Variants in SMG1 observed in about 807,000 individuals in gnomAD.
SMG1 encodes serine/threonine-protein kinase SMG1.
In SMG1, 22 loss-of-function variants were observed where a neutral mutation model predicts 419.9. That is an observed-to-expected ratio of 0.05 (90% CI 0.04 to 0.07). The LOEUF (loss-of-function observed/expected upper bound fraction) is 0.07, where lower values mean the gene tolerates loss of function less well. Among genes scored for constraint, SMG1 ranks in the 10% least tolerant of loss-of-function variants. The pLI is 1.00. For missense variants in SMG1, 3,185 were observed against 4,342.0 expected (o/e 0.73, Z 7.49); for synonymous variants, 1,538 against 1,553.5 (o/e 0.99, Z 0.23).
In SMG1 at chr16:18,842,192, A is replaced by G. The variant is rs575985512; in HGVS notation, c.6466+16T>C. ...CTAATACTCTTCTGAAAAATGGAGG[A>G]AGTCTTAAATCCTACCTTTGAAAAG... is the stretch of plus-strand genomic sequence containing the variant. On this transcript the variant is annotated intron_variant, in intron 40 of 62. Coordinates refer to ENST00000446231, the MANE Select transcript of SMG1 (RefSeq NM_015092.5). 3.1e-6 allele frequency: 5 copies of G among 1,603,308 alleles called. No individual in the cohort carries two copies. The highest frequency in any genetic ancestry group is 2.2e-5 in the East Asian group (1 of 44,676).
At chr16:18,908,276 G>A (rs1016489379) in intron 1 of SMG1, among the ~76,000 whole-genome samples, 2 of 151,352 alleles carry the variant, frequency 1.3e-5, no homozygotes, top group African/African-American at 4.8e-5. Context: ...GCTGAGGCAG[G>A]AGAATCGCTT....
At chr16:18,852,011 C>T in intron 33 of SMG1, 56 bp downstream of exon 33, 1 of 1,527,518 alleles carries the variant, frequency 6.5e-7, no homozygotes, top group Non-Finnish European at 8.8e-7. Context: ...GATCAATTTT[C>T]TCAAAATCAA....
Position 18,889,724 on chromosome 16 carries a change from T to G in SMG1, c.609-139A>C, listed in dbSNP as rs548184721. The G allele has an allele frequency of 1.1e-5, 7 of 642,368 alleles. 2 individuals are homozygous for G. In the South Asian group the frequency reaches 1.2e-4, roughly 11 times the overall value. 39.8% of individuals were successfully genotyped at this position (642,368 alleles called of 1,614,324 possible). ...TTCAAACTACATAAAAGGTTGAAATTTTCTCCACTCTAAATACTACAGTCT... is the reference window on the plus strand; with the variant it reads ...TTCAAACTACATAAAAGGTTGAAATGTTCTCCACTCTAAATACTACAGTCT... On this transcript the variant is annotated intron_variant, in intron 5 of 62. Transcript: ENST00000446231.
chr16:18,904,250 C>T (rs919460178), intron 1 of SMG1, among the ~76,000 whole-genome samples: 25 of 149,810 alleles, frequency 1.7e-4, no homozygotes, highest in African/African-American at 4.9e-4. Flanking sequence ...TTCTTTTGTA[C>T]GTTGCAAAAT....
intron 62 of SMG1, among the ~76,000 whole-genome samples, chr16:18,809,906 G>T (rs2031213714): frequency 1.3e-5 from 2 of 151,660 alleles, no homozygotes; most frequent in Admixed American, 6.6e-5. Context: ...CTACCAGAAC[G>T]TTTCTTAAGT....
chr16:18,861,082 C>A (rs143278090), intron 25 of SMG1: 2,717 of 270,054 alleles, frequency 0.01, 13 homozygotes, highest in Non-Finnish European at 0.014. Context: ...CAGATCCTAA[C>A]ACACTGACAG....
At chr16:18,923,366 T>G (rs1013510727) in intron 1 of SMG1, among the ~76,000 whole-genome samples, 2 of 152,134 alleles carry the variant, frequency 1.3e-5, no homozygotes, top group African/African-American at 4.8e-5. Flanking sequence ...CTAAATCGGC[T>G]GAGTGCGGTG....
At chr16:18,899,727 T>C (rs1338183709) in intron 1 of SMG1, among the ~76,000 whole-genome samples, 2 of 152,072 alleles carry the variant, frequency 1.3e-5, no homozygotes, top group African/African-American at 2.4e-5. Context: ...CAGGCATGAA[T>C]GTTAGGCTAG....
At chr16:18,871,614 A>T in intron 15 of SMG1, 132 bp from the exon 16 acceptor site, 1 of 460,726 alleles carries the variant, frequency 2.2e-6, no homozygotes, top group South Asian at 5.6e-5. Flanking sequence ...ATAAAAATAA[A>T]AAAATGAAAC....
At chr16:18,861,015 G>A (rs866059551) in intron 25 of SMG1, 269 of 396,114 alleles carry the variant, frequency 6.8e-4, no homozygotes, top group Middle Eastern at 3.1e-3. Flanking sequence ...ACTTTCAGTG[G>A]AGCTGACTCG....
Position 18,829,185 on chromosome 16 carries a change from G to C in SMG1, c.9603+101C>G, listed in dbSNP as rs1418505123. 7 of 1,009,086 alleles carry C rather than the reference G, an allele frequency of 6.9e-6. No homozygotes were observed. In the East Asian group the frequency reaches 1.3e-4, roughly 19 times the overall value. The allele number at this position is 1,009,086 out of a possible 1,614,324, so 62.5% of individuals were successfully genotyped here. A position where few individuals can be genotyped will look rare whatever the true frequency, so the allele number is the denominator to read the frequency against. The stretch of plus-strand genomic sequence containing the variant: ...TTGCATTGGGTTGCTGTGAGTTCAG[G>C]AAGTTTTAAAAAAATTTCTGTGTAT... On this transcript the variant is annotated intron_variant, in intron 54 of 62. Coordinates refer to ENST00000446231, the MANE Select transcript of SMG1 (RefSeq NM_015092.5).
intron 31 of SMG1, among the ~76,000 whole-genome samples, 173 bp from the exon 32 acceptor site, chr16:18,852,635 AAAAGG>A (rs1364787910): frequency 6.6e-6 from 1 of 152,232 alleles, no homozygotes; most frequent in African/African-American, 2.4e-5. Context: ...TATGTTCTCT[AAAAGG>A]TTGGTATGTT....
intron 1 of SMG1, among the ~76,000 whole-genome samples, chr16:18,908,850 A>C (rs1179790173): frequency 6.6e-6 from 1 of 151,876 alleles, no homozygotes; most frequent in Non-Finnish European, 1.5e-5. Context: ...GCTGCACTCC[A>C]ACCTGGGTGA....
chr16:18,827,373 G>T (rs2032764522), intron 55 of SMG1, among the ~76,000 whole-genome samples: 1 of 150,632 alleles, frequency 6.6e-6, no homozygotes, highest in African/African-American at 2.4e-5. Flanking sequence ...TTGCAGTGAG[G>T]TGAGATAGTG....
At chr16:18,819,219 C>T (rs770470152) in intron 56 of SMG1, among the ~76,000 whole-genome samples, 1 of 152,192 alleles carries the variant, frequency 6.6e-6, no homozygotes, top group Non-Finnish European at 1.5e-5. Context: ...TAAAAGAGAC[C>T]CAGAGAACCT....
In SMG1 at chr16:18,847,510, C is replaced by T; in HGVS notation, c.5939G>A (p.Arg1980Gln). 6.2e-7 allele frequency: 1 copy of T among 1,614,044 alleles called. No individual in the cohort carries two copies. Among genetic ancestry groups the T allele is most frequent in the South Asian group, 1.1e-5 (1 of 91,086 alleles). ...LLQQHMYVLRRIQQLEDEVKR... is the reference protein window; with the variant it reads ...LLQQHMYVLRQIQQLEDEVKR... ...CACCTCATCTTCAAGCTGCTGAATT[C>T]GTCTCAGGACATACATGTGTTGTTG... Residue 1980 changes from arginine (R) to glutamine (Q), a missense_variant, in exon 38 of 63, where the codon CGA becomes CAA. By Grantham distance (43) the Arg-to-Gln change is conservative (BLOSUM62 1). Transcript: ENST00000446231.
chr16:18,839,805 T>C lies in SMG1; in HGVS notation c.6838A>G (p.Met2280Val), dbSNP rs780909614. Residue 2280 changes from methionine to valine, a missense_variant, in exon 42 of 63, where the codon ATG (methionine) becomes GTG (valine). By Grantham distance (21) the Met-to-Val change is conservative (BLOSUM62 1). Coordinates refer to ENST00000446231, the MANE Select transcript of SMG1 (RefSeq NM_015092.5). The stretch of plus-strand genomic sequence containing the variant: ...ATTAACTCTTCCAATACTGCCTTCA[T>C]TACATGAAGAGGCCAATCCCGACGG... ...VSRRDWPLHV[M>V]KAVLEELMEA... 5.0e-6 allele frequency: 8 copies of C among 1,613,952 alleles called. No homozygotes were observed. Among genetic ancestry groups the C allele is most frequent in the Non-Finnish European group, 6.8e-6 (8 of 1,179,878 alleles).
chr16:18,836,638 T>C (rs777472620), intron 46 of SMG1, 106 bp from the exon 47 acceptor site: 3 of 1,202,830 alleles, frequency 2.5e-6, no homozygotes, highest in Non-Finnish European at 3.5e-6. Context: ...GTACGCTCCT[T>C]GTTCACCTTG....
chr16:18,849,457 G>T, intron 35 of SMG1, 79 bp from the exon 36 acceptor site: 1 of 1,309,764 alleles, frequency 7.6e-7, no homozygotes, highest in Non-Finnish European at 1.1e-6. Context: ...AGATCAAACA[G>T]ATAAAACGTG....
Sources: allele counts gnomAD v4.1 joint callset (sites outside exome capture counted in the v4.1 genomes callset), GRCh38; gene constraint gnomAD v4.1.1; transcripts MANE v1.5; gene names NCBI Gene and HGNC (gene_info 2026-07-23, HGNC 2026-07-21).